The following COL24A1 variants were observed in gnomAD, a reference collection of about 807,000 sequenced individuals.
COL24A1 encodes the protein collagen type XXIV alpha 1 chain.
A neutral mutation model predicts 253.9 loss-of-function variants in COL24A1; 224 were observed. The observed-to-expected ratio is 0.88, with a 90% CI of 0.79 to 0.99. The LOEUF (loss-of-function observed/expected upper bound fraction) is 0.99, where lower values mean the gene tolerates loss of function less well. COL24A1 is among the 50% of genes least tolerant of loss of function. The pLI is 0.00. For missense variants in COL24A1, 2,131 were observed against 2,068.5 expected, an observed-to-expected ratio of 1.03 and a Z score of -0.59; for synonymous variants, 685 against 673.7, an observed-to-expected ratio of 1.02 and a Z score of -0.26.
At position 85,868,526 on chromosome 1, in the gene COL24A1, C is replaced by T. The variant is rs1261292408; in HGVS notation, c.3293G>A (p.Gly1098Asp). 1 of 1,612,610 alleles carries T rather than the reference C, an allele frequency of 6.2e-7. No individual in the cohort carries two copies. Among genetic ancestry groups the T allele is most frequent in the Non-Finnish European group, 8.5e-7 (1 of 1,178,918 alleles). The stretch of plus-strand genomic sequence containing the variant: ...GAACCCAGCAGTACTTACCGGAAGG[C>T]CTGTTTGGCCTGATCTACCCAAGGG... ...IGPLGRSGQT[G>D]LPGPEGIVGI... The change falls in exon 37 of 60, where the codon GGC (glycine) becomes GAC (aspartate). Residue 1098 changes from glycine (G) to aspartate (D), a missense_variant. Gly to Asp is a moderately conservative substitution (Grantham distance 94). Transcript: ENST00000370571.
In COL24A1 at chr1:86,059,149, A is replaced by G; in HGVS notation, c.1778T>C (p.Ile593Thr). 1 of 1,611,798 alleles carries G rather than the reference A, an allele frequency of 6.2e-7. No individual in the cohort carries two copies. The change falls in exon 9 of 60, where the codon ATT becomes ACT. Residue 593 changes from isoleucine (I) to threonine (T), a missense_variant. Coordinates refer to ENST00000370571, the MANE Select transcript of COL24A1 (RefSeq NM_152890.7). ...CCTGCCAGGGTAACCGGGTGAACCA[A>G]TATTACCAGCAAATCCTGGAATTCC... The part of the protein sequence containing the change: ...EQGIPGFAGN[I>T]GSPGYPGRQG...
At chr1:85,801,997 C>A (rs896287352) in intron 47 of COL24A1, among the ~76,000 whole-genome samples, 2 of 152,150 alleles carry the variant, frequency 1.3e-5, no homozygotes, top group African/African-American at 2.4e-5. Context: ...ACTAAAGCCA[C>A]CTCCTAAATA....
chr1:85,746,466 C>G (rs1329248352), intron 55 of COL24A1, among the ~76,000 whole-genome samples: 2 of 152,108 alleles, frequency 1.3e-5, no homozygotes, highest in Non-Finnish European at 2.9e-5. Context: ...AAAAAAGAAA[C>G]TTGCCCTTAT....
chr1:85,817,688 A>T (rs1673182175), intron 46 of COL24A1, among the ~76,000 whole-genome samples: 1 of 152,112 alleles, frequency 6.6e-6, no homozygotes. Flanking sequence ...ATGTCATTTT[A>T]ATTATGCTTG....
At chr1:85,765,370 A>G (rs1243912807) in intron 53 of COL24A1, among the ~76,000 whole-genome samples, 1 of 151,418 alleles carries the variant, frequency 6.6e-6, no homozygotes. Flanking sequence ...TATTATTTCT[A>G]TAGCTGTAAG....
rs563423412 is a variant in COL24A1, at chr1:85,818,056, G to C, written c.3821C>G (p.Pro1274Arg). The change falls in exon 46 of 60, where the codon CCT (proline) becomes CGT (arginine). Residue 1274 changes from proline to arginine, a missense_variant. Pro to Arg is a moderately radical substitution (Grantham distance 103, BLOSUM62 -2). Transcript: ENST00000370571. ...GNKGKKGAPG[P>R]SGKPGIPGLQ... ...TACAGGAATCCCAGGTTTCCCAGAA[G>C]GACCAGGAGCTCCTTTTTTCCCCTT... is the stretch of plus-strand genomic sequence containing the variant. The C allele has an allele frequency of 6.2e-7, 1 of 1,613,632 alleles. No homozygotes were observed. The highest frequency in any genetic ancestry group is 1.3e-5 in the African/African-American group (1 of 74,982).
At chr1:86,068,547 C>T (rs918150008) in intron 7 of COL24A1, among the ~76,000 whole-genome samples, 9 of 152,084 alleles carry the variant, frequency 5.9e-5, no homozygotes, top group East Asian at 1.9e-4. Flanking sequence ...GTCTAGGACA[C>T]GACAACTGCA....
intron 58 of COL24A1, among the ~76,000 whole-genome samples, chr1:85,735,797 G>A (rs993847168): frequency 6.6e-6 from 1 of 152,054 alleles, no homozygotes; most frequent in Admixed American, 6.6e-5. Context: ...TGGTCATAAT[G>A]TAAGTGAACA....
At chr1:86,031,061 C>T (rs1390276245) in intron 14 of COL24A1, among the ~76,000 whole-genome samples, 1 of 152,040 alleles carries the variant, frequency 6.6e-6, no homozygotes, top group African/African-American at 2.4e-5. Flanking sequence ...CTTAAGTATC[C>T]ATCAGTAGAT....
chr1:85,960,501 A>G (rs547122338), intron 24 of COL24A1, among the ~76,000 whole-genome samples: 1 of 152,276 alleles, frequency 6.6e-6, no homozygotes, highest in Middle Eastern at 3.4e-3. Flanking sequence ...TTCCAGCTCA[A>G]TATCTCTTAA....
At chr1:85,883,394 G>A (rs895063505) in intron 32 of COL24A1, among the ~76,000 whole-genome samples, 8 of 150,960 alleles carry the variant, frequency 5.3e-5, no homozygotes, top group African/African-American at 1.7e-4. Flanking sequence ...TAATTTTTGC[G>A]TTTTTTGGTA....
chr1:85,846,226 C>T (rs1287895239), intron 39 of COL24A1, among the ~76,000 whole-genome samples: 2 of 151,298 alleles, frequency 1.3e-5, no homozygotes, highest in African/African-American at 4.8e-5. Flanking sequence ...TAAAAAAATA[C>T]CCACAAAAAA....
At chr1:85,972,403 T>A (rs916115177) in intron 20 of COL24A1, among the ~76,000 whole-genome samples, 2 of 152,156 alleles carry the variant, frequency 1.3e-5, no homozygotes, top group Non-Finnish European at 2.9e-5. Context: ...TCTGTCAGTT[T>A]AAAAGTCTAT....
At chr1:86,027,474 C>T (rs111538274) in intron 14 of COL24A1, among the ~76,000 whole-genome samples, 13,220 of 152,266 alleles carry the variant, frequency 0.087, 706 homozygotes, top group Middle Eastern at 0.19. Flanking sequence ...GGGGTCAACA[C>T]AGAGCTCAGG....
rs1680949785 is a variant in COL24A1, at chr1:85,874,825, TG to T, written c.3085-124del. The T allele has an allele frequency of 4.0e-6, 4 of 995,522 alleles. No homozygotes were observed. In the East Asian group the frequency reaches 7.7e-5, roughly 19 times the overall value. The allele number at this position is 995,522 out of a possible 1,614,324, so 61.7% of individuals were successfully genotyped here. A position where few individuals can be genotyped will look rare whatever the true frequency, so the allele number is the denominator to read the frequency against. On this transcript the variant is annotated intron_variant, in intron 34 of 59. Coordinates refer to ENST00000370571, the MANE Select transcript of COL24A1 (RefSeq NM_152890.7). Reference sequence around the variant, plus strand: ...CCGTAGAGGGTACCTGTCCAAGGCCTGTTAGGAAATGGGCTGCAAAACAGCA... The same window carrying T: ...CCGTAGAGGGTACCTGTCCAAGGCCTTTAGGAAATGGGCTGCAAAACAGCA...
intron 47 of COL24A1, among the ~76,000 whole-genome samples, chr1:85,796,128 A>G (rs1670783751): frequency 6.6e-6 from 1 of 152,218 alleles, no homozygotes; most frequent in Non-Finnish European, 1.5e-5. Flanking sequence ...AGGTAATTTT[A>G]GTTTTGAATT....
intron 27 of COL24A1, 103 bp downstream of exon 27, chr1:85,908,495 A>G (rs1231540151): frequency 3.1e-6 from 2 of 645,028 alleles, no homozygotes; most frequent in East Asian, 3.2e-5. Flanking sequence ...TAGTTTACAC[A>G]TGACTTACTT....
chr1:86,141,421 T>C (rs532920753), intron 2 of COL24A1, among the ~76,000 whole-genome samples: 1 of 152,260 alleles, frequency 6.6e-6, no homozygotes, highest in East Asian at 1.9e-4. Context: ...GGAAGCTCTG[T>C]ATTGAGAAGG....
In COL24A1 at chr1:86,031,907, T is replaced by G. The variant is rs757754079; in HGVS notation, c.2020A>C (p.Thr674Pro). 1 of 1,609,358 alleles carries G rather than the reference T, an allele frequency of 6.2e-7. No homozygotes were observed. Residue 674 changes from threonine (T) to proline (P), a missense_variant, in exon 14 of 60, where the codon ACT becomes CCT. Physicochemically the swap from Thr to Pro is conservative, Grantham distance 38 (BLOSUM62 -1). Transcript: ENST00000370571. ...LDGSPGLVGG[T>P]GPPGFPGLRG... ...AGCCCAGGAAACCCCGGAGGACCAGTGCCACCTACAAGTCCCTATTGTAAA... is the reference window on the plus strand; with the variant it reads ...AGCCCAGGAAACCCCGGAGGACCAGGGCCACCTACAAGTCCCTATTGTAAA...
Sources: gnomAD v4.1 joint callset for allele counts (sites outside exome capture counted in the v4.1 genomes callset) on GRCh38, gnomAD v4.1.1 for gene constraint, MANE v1.5 for transcripts, NCBI Gene and HGNC (gene_info 2026-07-23, HGNC 2026-07-21) for gene names.